MYO16: variants seen among roughly 807,000 people sequenced by gnomAD.
MYO16 encodes the protein myosin XVI.
A neutral mutation model predicts 205.3 loss-of-function variants in MYO16; 94 were observed. That is an observed-to-expected ratio of 0.46 (90% CI 0.39 to 0.54). MYO16 has a LOEUF of 0.54. Ranked by LOEUF, MYO16 falls within the 20% of genes least tolerant of loss-of-function variation. MYO16 has a pLI of 0.00. For synonymous variants in MYO16, 988 were observed against 954.0 expected, an observed-to-expected ratio of 1.04 and a Z score of -0.66; for missense variants, 2,315 against 2,387.5, an observed-to-expected ratio of 0.97 and a Z score of 0.63.
At chr13:108,772,147 G>A (rs1001445815) in intron 4 of MYO16, among the ~76,000 whole-genome samples, 2 of 152,058 alleles carry the variant, frequency 1.3e-5, no homozygotes, top group Non-Finnish European at 2.9e-5. Context: ...CCACAAATTA[G>A]AGACAAGCCG....
At chr13:108,828,842 G>C (rs768500608) in intron 9 of MYO16, among the ~76,000 whole-genome samples, 2 of 152,188 alleles carry the variant, frequency 1.3e-5, no homozygotes, top group African/African-American at 2.4e-5. Context: ...CAGTGGGCTG[G>C]AGTTTGATGT....
At chr13:108,860,150 C>G (rs1162106007) in intron 11 of MYO16, among the ~76,000 whole-genome samples, 1 of 147,664 alleles carries the variant, frequency 6.8e-6, no homozygotes, top group African/African-American at 2.4e-5. Flanking sequence ...ATTTTCTGCT[C>G]CTCTCCCCCA....
At chr13:108,544,272 A>G in the MYO16 span, among the ~76,000 whole-genome samples, 1 of 152,286 alleles carries the variant, frequency 6.6e-6, no homozygotes, top group South Asian at 2.1e-4. Flanking sequence ...TTAATCAGGA[A>G]CAATCACCAG....
intron 23 of MYO16, among the ~76,000 whole-genome samples, chr13:109,031,834 T>G (rs1886555418): frequency 6.6e-6 from 1 of 152,162 alleles, no homozygotes; most frequent in African/African-American, 2.4e-5. Context: ...TTTATTTGCT[T>G]TACTTGGCAC....
At chr13:108,778,611 T>C (rs552780493) in intron 4 of MYO16, among the ~76,000 whole-genome samples, 1 of 132,308 alleles carries the variant, frequency 7.6e-6, no homozygotes, top group African/African-American at 2.5e-5. Flanking sequence ...AGGGCGAGAC[T>C]CCATCTAAAA....
intron 11 of MYO16, among the ~76,000 whole-genome samples, chr13:108,857,585 AC>A (rs1878247912): frequency 6.6e-6 from 1 of 152,220 alleles, no homozygotes; most frequent in African/African-American, 2.4e-5. Context: ...CTTTGACAAA[AC>A]ATAGTTGTTT....
chr13:108,694,532 G>A (rs1018248826), intron 2 of MYO16, among the ~76,000 whole-genome samples: 5 of 151,768 alleles, frequency 3.3e-5, no homozygotes, highest in Admixed American at 6.6e-5. Flanking sequence ...CTCTTCTTTA[G>A]AGAAAAGTAT....
At position 109,207,754 on chromosome 13, in the gene MYO16, G is replaced by A. The variant is rs1880664502; in HGVS notation, c.*918G>A. The A allele has an allele frequency of 3.3e-5, 5 of 152,290 alleles. No individual in the cohort carries two copies. Among genetic ancestry groups the A allele is most frequent in the Admixed American group, 2.6e-4 (4 of 15,292 alleles). The allele number at this position is 152,290 out of a possible 1,614,324, so 9.4% of individuals were successfully genotyped here. A position where few individuals can be genotyped will look rare whatever the true frequency, so the allele number is the denominator to read the frequency against. ...ACAGTACAAATGAGCACGCTGCCAT[G>A]TACTGGTTTGAGCAGTAGGGGCTGC... On this transcript the variant is annotated 3_prime_UTR_variant, in exon 35 of 35. Transcript: ENST00000457511.
intron 24 of MYO16, among the ~76,000 whole-genome samples, chr13:109,051,633 A>G (rs1887250093): frequency 6.6e-6 from 1 of 152,100 alleles, no homozygotes. Flanking sequence ...ACTGAGCTCT[A>G]ATTTCTTCCT....
At chr13:109,011,555 C>T (rs1473892852) in intron 22 of MYO16, among the ~76,000 whole-genome samples, 2 of 146,048 alleles carry the variant, frequency 1.4e-5, no homozygotes, top group Non-Finnish European at 3.0e-5. Context: ...CGCTCTGTCA[C>T]CCAGGTTGGA....
At chr13:108,997,561 G>A (rs777038433) in intron 21 of MYO16, among the ~76,000 whole-genome samples, 19 of 151,758 alleles carry the variant, frequency 1.3e-4, no homozygotes, top group Non-Finnish European at 2.1e-4. Context: ...TACATAGGCC[G>A]GGCCCAGTGG....
the MYO16 span, among the ~76,000 whole-genome samples, chr13:108,518,221 T>C: frequency 1.3e-5 from 2 of 152,170 alleles, no homozygotes; most frequent in Non-Finnish European, 2.9e-5. Flanking sequence ...TTATGCATAA[T>C]TTGTTGTCTA....
the MYO16 span, among the ~76,000 whole-genome samples, chr13:108,571,794 G>A: frequency 0.16 from 24,038 of 151,204 alleles, 2,340 homozygotes; most frequent in Non-Finnish European, 0.22. Context: ...AAAAAAGTTG[G>A]CTGACTGTGA....
intron 7 of MYO16, among the ~76,000 whole-genome samples, chr13:108,817,839 C>G (rs1054375216): frequency 6.6e-6 from 1 of 152,082 alleles, no homozygotes; most frequent in Non-Finnish European, 1.5e-5. Context: ...ATTACAGAAA[C>G]ACACATTATT....
At chr13:109,115,912 A>G (rs1165464582) in intron 28 of MYO16, among the ~76,000 whole-genome samples, 1 of 152,196 alleles carries the variant, frequency 6.6e-6, no homozygotes, top group African/African-American at 2.4e-5. Context: ...CTTAACTGCT[A>G]ATTTCATTGC....
At chr13:108,537,292 C>T in the MYO16 span, among the ~76,000 whole-genome samples, 15 of 152,042 alleles carry the variant, frequency 9.9e-5, no homozygotes, top group Non-Finnish European at 2.2e-4. Context: ...ACGATAATGG[C>T]CTCCAGCTCC....
intron 21 of MYO16, among the ~76,000 whole-genome samples, chr13:108,999,541 G>A (rs916015480): frequency 6.6e-6 from 1 of 152,108 alleles, no homozygotes; most frequent in Non-Finnish European, 1.5e-5. Context: ...AATCATATTG[G>A]ATTCTGTGTT....
intron 14 of MYO16, among the ~76,000 whole-genome samples, chr13:108,895,676 C>T (rs1594377117): frequency 6.6e-6 from 1 of 152,168 alleles, no homozygotes; most frequent in South Asian, 2.1e-4. Flanking sequence ...TTGTTGACAA[C>T]CTTTGAGCCT....
chr13:108,938,141 T>C (rs1225572351), intron 16 of MYO16, among the ~76,000 whole-genome samples: 3 of 152,152 alleles, frequency 2.0e-5, no homozygotes, highest in African/African-American at 7.2e-5. Context: ...TCTAGGGGTG[T>C]GACTGTAGAG....
Sources: allele counts gnomAD v4.1 joint callset (sites outside exome capture counted in the v4.1 genomes callset), GRCh38; gene constraint gnomAD v4.1.1; transcripts MANE v1.5; gene names NCBI Gene and HGNC (gene_info 2026-07-23, HGNC 2026-07-21).